Variants in POLG2 observed in about 807,000 individuals in gnomAD.
The protein encoded by POLG2 is DNA polymerase subunit gamma-2.
Under a neutral mutation model 56.5 loss-of-function variants are expected in POLG2, and 50 were observed. The ratio of observed to expected loss-of-function variants is 0.88; its 90% CI spans 0.71 to 1.12. The LOEUF (loss-of-function observed/expected upper bound fraction) is 1.12. POLG2 is among the 50% of genes most tolerant of loss of function. The pLI is 0.00. For missense variants in POLG2, 584 were observed against 583.3 expected (o/e 1.00, Z -0.01); for synonymous variants, 226 against 222.6 (o/e 1.02, Z -0.14).
intron 7 of POLG2, among the ~76,000 whole-genome samples, chr17:64,478,770 G>A (rs7214198): frequency 0.28 from 42,020 of 151,756 alleles, 11,215 homozygotes; most frequent in African/African-American, 0.7. Flanking sequence ...GGTGGCAGGC[G>A]CATGTAATCC....
rs1555668377 is a variant in POLG2, at chr17:64,490,960, T to G, written c.805A>C (p.Ser269Arg). ...RLQWWRKFAM[S>R]PSNFSSSDCQ... is the part of the protein sequence containing the mutation. Reference sequence around the variant, plus strand: ...TCACTGCTGCTGAAGTTAGATGGACTCATGGCAAACTGGAAAAGAAAATTT... The same window carrying G: ...TCACTGCTGCTGAAGTTAGATGGACGCATGGCAAACTGGAAAAGAAAATTT... Residue 269 changes from serine to arginine, a missense_variant, in exon 4 of 8, where the codon AGT becomes CGT. Physicochemically the swap from Ser to Arg is moderately radical, Grantham distance 110. Transcript: ENST00000539111. 6.2e-7 allele frequency: 1 copy of G among 1,613,366 alleles called. No homozygotes were observed.
intron 5 of POLG2, among the ~76,000 whole-genome samples, chr17:64,484,789 G>A (rs2037923535): frequency 6.6e-6 from 1 of 152,164 alleles, no homozygotes; most frequent in African/African-American, 2.4e-5. Context: ...CAGGCTAAAT[G>A]AACACTGTAT....
At position 64,485,775 on chromosome 17, in the gene POLG2, G is replaced by A; in HGVS notation, c.1063C>T (p.Gln355Ter). 4 of 1,612,696 alleles carry A rather than the reference G, an allele frequency of 2.5e-6. No individual in the cohort carries two copies. The highest frequency in any genetic ancestry group is 2.5e-6 in the Non-Finnish European group (3 of 1,178,694). The change falls in exon 5 of 8, where the codon CAG (glutamine) becomes TAG (stop). Residue 355 changes from glutamine to a stop codon, truncating the protein, a stop_gained. Transcript: ENST00000539111. LOFTEE classifies it high-confidence loss of function. ...GMLAYLYDSFQLTENSFTRKK... is the reference protein window; with the variant it reads ...GMLAYLYDSF ...CTTGTAAAGGAGTTCTCTGTCAGCTGGAAAGAATCATAGAGGTAGGCCAGC... is the reference window on the plus strand; with the variant it reads ...CTTGTAAAGGAGTTCTCTGTCAGCTAGAAAGAATCATAGAGGTAGGCCAGC...
Position 64,496,560 on chromosome 17 carries a change from G to A in POLG2, c.409C>T (p.Pro137Ser). 6.2e-7 allele frequency: 1 copy of A among 1,613,608 alleles called. No individual in the cohort carries two copies. The highest frequency in any genetic ancestry group is 8.5e-7 in the Non-Finnish European group (1 of 1,179,674). The change falls in exon 1 of 8, where the codon CCT becomes TCT. Residue 137 changes from proline to serine, a missense_variant. Coordinates refer to ENST00000539111, the MANE Select transcript of POLG2 (RefSeq NM_007215.4). ...PVDALHHKPG[P>S]LLPGDSAFRL... is the part of the protein sequence containing the mutation. ...AAGGCACTGTCCCCGGGTAGCAAAG[G>A]GCCTGGTTTGTGGTGGAGGGCGTCC...
At chr17:64,486,772 A>C (rs2037963743) in intron 4 of POLG2, 1 of 152,186 alleles carries the variant, frequency 6.6e-6, no homozygotes, top group South Asian at 2.1e-4. Flanking sequence ...TAATTTTCTG[A>C]AACGTAAAGT....
chr17:64,488,436 T>A (rs1555667889), intron 4 of POLG2, among the ~76,000 whole-genome samples: 2 of 152,008 alleles, frequency 1.3e-5, no homozygotes, highest in African/African-American at 2.4e-5. Flanking sequence ...GGCATGGTAG[T>A]TCACACCTGT....
At chr17:64,480,558 C>T (rs573388040) in intron 6 of POLG2, among the ~76,000 whole-genome samples, 169 bp from the exon 7 acceptor site, 1 of 152,154 alleles carries the variant, frequency 6.6e-6, no homozygotes, top group Non-Finnish European at 1.5e-5. Context: ...CTTTATAAAT[C>T]GTATACTTCT....
chr17:64,494,914 C>G (rs1410330032), intron 1 of POLG2, among the ~76,000 whole-genome samples: 1 of 152,214 alleles, frequency 6.6e-6, no homozygotes, highest in Non-Finnish European at 1.5e-5. Context: ...TGGCTCACGC[C>G]TGTAATCCCA....
intron 7 of POLG2, among the ~76,000 whole-genome samples, chr17:64,478,358 ATAT>A (rs782353954): frequency 6.6e-6 from 1 of 152,152 alleles, no homozygotes; most frequent in Admixed American, 6.5e-5. Context: ...ACAATAAACA[ATAT>A]TATAATAAAG....
At position 64,496,991 on chromosome 17, in the gene POLG2, C is replaced by T. The variant is rs782661006; in HGVS notation, c.-23G>A. The stretch of plus-strand genomic sequence containing the variant: ...CATCTCTCTCCGAAGTTAAAGAGCA[C>T]ACTCTCCCATCACTCAACGGATCCC... On this transcript the variant is annotated 5_prime_UTR_variant, in exon 1 of 8. In the 5' UTR this introduces an upstream ATG that the reference lacks. Transcript: ENST00000539111. 8.8e-6 allele frequency: 14 copies of T among 1,593,114 alleles called. No homozygotes were observed. The highest frequency in any genetic ancestry group is 1.1e-5 in the Non-Finnish European group (13 of 1,172,470).
intron 3 of POLG2, chr17:64,491,469 A>C: frequency 9.1e-7 from 1 of 1,103,176 alleles, no homozygotes; most frequent in South Asian, 1.3e-5. Context: ...GTGATTGTGC[A>C]ACGGCAGTCC....
chr17:64,483,331 C>T (rs564367793), intron 5 of POLG2, among the ~76,000 whole-genome samples: 3 of 151,728 alleles, frequency 2.0e-5, no homozygotes, highest in South Asian at 2.1e-4. Flanking sequence ...CTGGGCAACA[C>T]GGTGAAAACT....
chr17:64,487,092 AAGAG>A (rs1275940437), intron 4 of POLG2: 5 of 152,206 alleles, frequency 3.3e-5, no homozygotes, highest in African/African-American at 7.2e-5. Context: ...ACAAAAAAAA[AAGAG>A]AGAAAACCCC....
Position 64,492,894 on chromosome 17 carries a change from C to T in POLG2, c.689+1G>A, listed in dbSNP as rs202085271. 4.6e-5 allele frequency: 75 copies of T among 1,613,894 alleles called. No individual in the cohort carries two copies. Among genetic ancestry groups the T allele is most frequent in the Non-Finnish European group, 6.2e-5 (73 of 1,179,924 alleles). Reference sequence around the variant, plus strand: ...GCCAAGTTATTTGCCACTTTTTATACCTTTTAACACCATTTCGTATCTGCT... The same window carrying T: ...GCCAAGTTATTTGCCACTTTTTATATCTTTTAACACCATTTCGTATCTGCT... On this transcript the variant is annotated splice_donor_variant, in intron 2 of 7. Transcript: ENST00000539111. LOFTEE classifies it high-confidence loss of function.
At chr17:64,487,983 G>GTTC (rs1555667809) in intron 4 of POLG2, among the ~76,000 whole-genome samples, 2 of 152,080 alleles carry the variant, frequency 1.3e-5, no homozygotes, top group Non-Finnish European at 2.9e-5. Context: ...TATCCTAACT[G>GTTC]TTCTTCAGCC....
At chr17:64,494,309 A>C (rs2038114030) in intron 1 of POLG2, among the ~76,000 whole-genome samples, 1 of 152,226 alleles carries the variant, frequency 6.6e-6, no homozygotes. Context: ...ATCTTATTGC[A>C]TCATAACATG....
At chr17:64,493,892 A>T (rs1598135909) in intron 1 of POLG2, among the ~76,000 whole-genome samples, 1 of 152,214 alleles carries the variant, frequency 6.6e-6, no homozygotes, top group Admixed American at 6.5e-5. Flanking sequence ...ATTTTGCCAC[A>T]TTTTTTTCTT....
At chr17:64,478,608 A>T (rs1555665925) in intron 7 of POLG2, among the ~76,000 whole-genome samples, 1 of 152,202 alleles carries the variant, frequency 6.6e-6, no homozygotes, top group East Asian at 1.9e-4. Flanking sequence ...GCTTAACAAG[A>T]ATAGTATGGC....
chr17:64,483,144 G>A, intron 5 of POLG2, 145 bp from the exon 6 acceptor site: 1 of 568,990 alleles, frequency 1.8e-6, no homozygotes, highest in Non-Finnish European at 3.2e-6. Context: ...ACAGAAGTTA[G>A]CTGAGGTCAT....
Sources: allele counts gnomAD v4.1 joint callset (sites outside exome capture counted in the v4.1 genomes callset), GRCh38; gene constraint gnomAD v4.1.1; transcripts MANE v1.5; gene names NCBI Gene and HGNC (gene_info 2026-07-23, HGNC 2026-07-21).